The following PDE8B variants were observed in gnomAD, a reference collection of about 807,000 sequenced individuals.
PDE8B encodes phosphodiesterase 8B, also known as high affinity cAMP-specific and IBMX-insensitive 3',5'-cyclic phosphodiesterase 8B.
In PDE8B, 26 loss-of-function variants were observed where a neutral mutation model predicts 101.3. The ratio of observed to expected loss-of-function variants is 0.26; its 90% CI spans 0.19 to 0.36. The LOEUF (loss-of-function observed/expected upper bound fraction) is 0.36, where lower values mean the gene tolerates loss of function less well. PDE8B is among the 10% of genes least tolerant of loss of function. PDE8B has a pLI of 1.00. For missense variants in PDE8B, 810 were observed against 1,163.1 expected, an observed-to-expected ratio of 0.70 and a Z score of 4.42; for synonymous variants, 424 against 429.3, an observed-to-expected ratio of 0.99 and a Z score of 0.15.
the PDE8B span, among the ~76,000 whole-genome samples, chr5:77,101,584 C>G: frequency 5.0e-4 from 76 of 152,168 alleles, no homozygotes; most frequent in African/African-American, 1.8e-3. Flanking sequence ...ACCTAAGTTT[C>G]TCTTGTCCTC....
intron 1 of PDE8B, among the ~76,000 whole-genome samples, chr5:77,235,125 A>G (rs1466312436): frequency 1.3e-5 from 2 of 152,160 alleles, no homozygotes; most frequent in Non-Finnish European, 2.9e-5. Context: ...CTTGCACCAC[A>G]GCTGCCCTGG....
the PDE8B span, among the ~76,000 whole-genome samples, chr5:77,126,284 C>CAA: frequency 2.1e-4 from 27 of 130,716 alleles, no homozygotes; most frequent in East Asian, 2.8e-3. Context: ...GGCTCTTTCT[C>CAA]AAAAAAAAAA....
chr5:77,293,698 TC>T (rs1156508695), intron 1 of PDE8B, among the ~76,000 whole-genome samples: 1 of 152,238 alleles, frequency 6.6e-6, no homozygotes, highest in Non-Finnish European at 1.5e-5. Context: ...AATAATTTAT[TC>T]CTAAATTTTT....
intron 1 of PDE8B, among the ~76,000 whole-genome samples, chr5:77,235,813 G>GAA (rs11422456): frequency 4.7e-4 from 64 of 134,794 alleles, no homozygotes; most frequent in African/African-American, 5.9e-4. Context: ...AGTTACAGCA[G>GAA]AAAAAAAAAC....
chr5:77,377,690 A>G (rs74937195), intron 10 of PDE8B, among the ~76,000 whole-genome samples: 1,577 of 152,294 alleles, frequency 0.01, 29 homozygotes, highest in African/African-American at 0.036. Flanking sequence ...AGTGGACTGA[A>G]TTTGAATCAG....
chr5:77,217,520 T>C (rs1390011836), intron 1 of PDE8B, among the ~76,000 whole-genome samples: 1 of 152,152 alleles, frequency 6.6e-6, no homozygotes, highest in Non-Finnish European at 1.5e-5. Context: ...TTGGTAGTTA[T>C]GTTTTAGTAG....
At chr5:77,222,999 G>C (rs1751513695) in intron 1 of PDE8B, among the ~76,000 whole-genome samples, 1 of 152,156 alleles carries the variant, frequency 6.6e-6, no homozygotes, top group Non-Finnish European at 1.5e-5. Flanking sequence ...TGCCAGATAA[G>C]GCTTGCTTTG....
At chr5:77,176,079 T>G in the PDE8B span, among the ~76,000 whole-genome samples, 1 of 152,198 alleles carries the variant, frequency 6.6e-6, no homozygotes, top group Non-Finnish European at 1.5e-5. Context: ...CTTAGAAAAC[T>G]ATTTTCTTCT....
Position 77,426,958 on chromosome 5 carries a change from T to C in PDE8B, c.*404T>C, listed in dbSNP as rs1037712767. On this transcript the variant is annotated 3_prime_UTR_variant, in exon 22 of 22. Transcript: ENST00000264917. ...TCATCCTTTACCATAAAAGTCATCA[T>C]TGCTGTTTAGCTTGACTGTTTTCCT... The C allele has an allele frequency of 9.3e-5, 21 of 225,418 alleles. No individual in the cohort carries two copies. The highest frequency in any genetic ancestry group is 4.6e-4 in the African/African-American group (20 of 43,640). The allele number at this position is 225,418 out of a possible 1,614,324, so 14.0% of individuals were successfully genotyped here. A position where few individuals can be genotyped will look rare whatever the true frequency, so the allele number is the denominator to read the frequency against.
At chr5:77,219,270 A>G (rs1409475014) in intron 1 of PDE8B, among the ~76,000 whole-genome samples, 1 of 152,202 alleles carries the variant, frequency 6.6e-6, no homozygotes, top group Non-Finnish European at 1.5e-5. Flanking sequence ...CAGACACAGT[A>G]TATTGTTGGG....
the PDE8B span, among the ~76,000 whole-genome samples, chr5:77,120,093 C>T: frequency 6.6e-6 from 1 of 151,994 alleles, no homozygotes; most frequent in Non-Finnish European, 1.5e-5. Flanking sequence ...GAATATTGCC[C>T]AGCCATAAAA....
intron 1 of PDE8B, among the ~76,000 whole-genome samples, chr5:77,285,511 T>G (rs1190072171): frequency 6.6e-6 from 1 of 152,228 alleles, no homozygotes; most frequent in Non-Finnish European, 1.5e-5. Flanking sequence ...GTGTATTGTG[T>G]AGTTTTTCTC....
chr5:77,390,723 G>C (rs73139013), intron 10 of PDE8B, among the ~76,000 whole-genome samples: 12,075 of 152,236 alleles, frequency 0.079, 1,480 homozygotes, highest in African/African-American at 0.27. Flanking sequence ...TAATGCAGGG[G>C]GTGTTTCCTT....
At chr5:77,277,913 A>G (rs1049941637) in intron 1 of PDE8B, among the ~76,000 whole-genome samples, 1 of 152,236 alleles carries the variant, frequency 6.6e-6, no homozygotes, top group Non-Finnish European at 1.5e-5. Context: ...AAAGTAAACT[A>G]TGCATAAGAT....
intron 8 of PDE8B, 22 bp downstream of exon 8, chr5:77,349,581 A>G (rs373115005): frequency 1.1e-5 from 17 of 1,613,884 alleles, no homozygotes; most frequent in African/African-American, 1.3e-5. Context: ...CAGCAAAACC[A>G]ATCCACGAAC....
chr5:77,172,069 C>A, the PDE8B span, among the ~76,000 whole-genome samples: 2 of 152,282 alleles, frequency 1.3e-5, no homozygotes, highest in Non-Finnish European at 2.9e-5. Context: ...AAACACCCAA[C>A]TTTTTCTCAG....
chr5:77,222,117 C>T (rs1751223471), intron 1 of PDE8B, among the ~76,000 whole-genome samples: 1 of 152,212 alleles, frequency 6.6e-6, no homozygotes, highest in African/African-American at 2.4e-5. Flanking sequence ...TGCTCACTGA[C>T]TCCAGCTTGA....
At chr5:77,091,038 G>A in the PDE8B span, among the ~76,000 whole-genome samples, 3 of 152,098 alleles carry the variant, frequency 2.0e-5, no homozygotes, top group Non-Finnish European at 4.4e-5. Flanking sequence ...CACCAATAGG[G>A]TACAAGCATC....
chr5:77,277,204 T>G (rs1247493932), intron 1 of PDE8B, among the ~76,000 whole-genome samples: 1 of 152,218 alleles, frequency 6.6e-6, no homozygotes, highest in Non-Finnish European at 1.5e-5. Context: ...GTTTCTTATC[T>G]TGTCATAAAA....
Sources: allele counts gnomAD v4.1 joint callset (sites outside exome capture counted in the v4.1 genomes callset), GRCh38; gene constraint gnomAD v4.1.1; transcripts MANE v1.5; gene names NCBI Gene and HGNC (gene_info 2026-07-23, HGNC 2026-07-21).